The following TASOR variants were observed in gnomAD, a reference collection of about 807,000 sequenced individuals.
TASOR encodes the protein transcription activation suppressor.
A neutral mutation model predicts 178.6 loss-of-function variants in TASOR; 53 were observed. That is an observed-to-expected ratio of 0.30 (90% CI 0.24 to 0.37). The LOEUF (loss-of-function observed/expected upper bound fraction) is 0.37. Among genes scored for constraint, TASOR ranks in the 10% least tolerant of loss-of-function variants. The probability of loss-of-function intolerance (pLI) is 1.00; values close to 1 mark genes in which losing one functional copy is unlikely to be tolerated. For synonymous variants in TASOR, 713 were observed against 696.2 expected, an observed-to-expected ratio of 1.02 and a Z score of -0.38; for missense variants, 1,815 against 1,971.4, an observed-to-expected ratio of 0.92 and a Z score of 1.50.
At chr3:56,680,234 TCTC>T (rs1467750932) in intron 1 of TASOR, among the ~76,000 whole-genome samples, 3 of 152,188 alleles carry the variant, frequency 2.0e-5, no homozygotes, top group Admixed American at 1.3e-4. Flanking sequence ...AGTACTTTAG[TCTC>T]CTCATCTGTA....
In TASOR at chr3:56,621,669, A is replaced by G; in HGVS notation, c.*1368T>C. ...TTGATTTGTGTCTTCCAAATTATAA[A>G]ATGTGCTCACTGGCTCAACTGTATT... On this transcript the variant is annotated 3_prime_UTR_variant, in exon 24 of 24. Coordinates refer to ENST00000683822, the MANE Select transcript of TASOR (RefSeq NM_001365635.2). The G allele has an allele frequency of 2.3e-6, 3 of 1,299,578 alleles. No homozygotes were observed. The highest frequency in any genetic ancestry group is 3.3e-6 in the Non-Finnish European group (3 of 918,352). The allele number at this position is 1,299,578 out of a possible 1,614,324, so 80.5% of individuals were successfully genotyped here.
chr3:56,680,879 G>A (rs1412666065), intron 1 of TASOR, among the ~76,000 whole-genome samples: 1 of 151,948 alleles, frequency 6.6e-6, no homozygotes, highest in East Asian at 1.9e-4. Context: ...GACTATGGGG[G>A]ACAACAGCTA....
rs765952122 is a variant in TASOR at position 56,623,403 on chromosome 3, C to G, written c.4647G>C (p.Leu1549Phe). 2.0e-5 allele frequency: 32 copies of G among 1,613,574 alleles called. 1 individual carries two copies. The South Asian group carries it at 3.1e-4, about 16-fold the overall frequency. ...TDQKKNTQIE[L>F]QSSPDVQNSL... The stretch of plus-strand genomic sequence containing the variant: ...TGTTTTGCACATCAGGAGACGATTG[C>G]AACTCAATTTGAGTATTCTTTTTTT... The change falls in exon 24 of 24, where the codon TTG becomes TTC. Residue 1549 changes from leucine to phenylalanine, a missense_variant. Leu to Phe is a conservative substitution (Grantham distance 22, BLOSUM62 0). Transcript: ENST00000683822.
rs188264115 is a variant in TASOR at position 56,640,569 on chromosome 3, C to T, written c.2620-439G>A. Among the ~76,000 whole-genome samples, 21 of 152,182 alleles carry T rather than the reference C, an allele frequency of 1.4e-4. No homozygotes were observed. The East Asian group carries it at 3.5e-3, about 25-fold the overall frequency. On this transcript the variant is annotated intron_variant, in intron 15 of 23. Transcript: ENST00000683822. ...TTAATACAGGTTAGTTCCTCAGTGC[C>T]TACCTTACATACCCCAATAACCCTC...
At position 56,627,600 on chromosome 3, in the gene TASOR, G is replaced by A. The variant is rs756833582; in HGVS notation, c.4012C>T (p.Pro1338Ser). The change falls in exon 20 of 24, where the codon CCA (proline) becomes TCA (serine). Residue 1338 changes from proline to serine, a missense_variant. Around this residue, in one of 5 missense-constraint regions of TASOR, gnomAD observed 134 missense variants for 195.2 expected, o/e 0.69. Transcript: ENST00000683822. ...ATCTTACCAACTGTGACAACCTCTG[G>A]GTTTAGAATTGATTCATCAGATACG... Reference protein sequence around the residue: ...FIVSDESILNPEVVTVENLKN... With the variant: ...FIVSDESILNSEVVTVENLKN... The A allele has an allele frequency of 6.2e-7, 1 of 1,613,982 alleles. No individual in the cohort carries two copies. Among genetic ancestry groups the A allele is most frequent in the Non-Finnish European group, 8.5e-7 (1 of 1,179,950 alleles).
Position 56,677,768 on chromosome 3 carries a change from T to C in TASOR, c.332-4043A>G, listed in dbSNP as rs374094846. Among the ~76,000 whole-genome samples, 18 of 152,328 alleles carry C rather than the reference T, an allele frequency of 1.2e-4. No homozygotes were observed. In the East Asian group the frequency reaches 3.3e-3, roughly 28 times the overall value. On this transcript the variant is annotated intron_variant, in intron 1 of 23. Coordinates refer to ENST00000683822, the MANE Select transcript of TASOR (RefSeq NM_001365635.2). ...TCTAATACTGCTCTTTCTACCTTCC[T>C]ATCTTCTCTCAAATTTCTTAATTTT...
At chr3:56,681,618 G>A (rs1268389204) in intron 1 of TASOR, among the ~76,000 whole-genome samples, 1 of 152,134 alleles carries the variant, frequency 6.6e-6, no homozygotes, top group South Asian at 2.1e-4. Context: ...GGATGGAAAA[G>A]ATACGGGAAA....
chr3:56,666,175 A>C, intron 7 of TASOR, 85 bp downstream of exon 7: 1 of 1,198,656 alleles, frequency 8.3e-7, no homozygotes. Context: ...ATGGGAAGGA[A>C]ACAAAATGGT....
At chr3:56,624,747 C>G in intron 22 of TASOR, 81 bp downstream of exon 22, 1 of 1,547,402 alleles carries the variant, frequency 6.5e-7, no homozygotes, top group Non-Finnish European at 8.8e-7. Context: ...CAAAGCTTAG[C>G]AATACCCACC....
chr3:56,635,831 G>C (rs2077004795), intron 17 of TASOR, among the ~76,000 whole-genome samples: 1 of 151,928 alleles, frequency 6.6e-6, no homozygotes, highest in African/African-American at 2.4e-5. Context: ...ACAACAACCA[G>C]TAAGTTTACT....
At chr3:56,624,454 A>G in intron 23 of TASOR, 25 bp downstream of exon 23, 1 of 1,602,682 alleles carries the variant, frequency 6.2e-7, no homozygotes, top group South Asian at 1.1e-5. Flanking sequence ...TGCGTTAAAG[A>G]AAATGAAAAC....
chr3:56,663,513 TA>T, intron 8 of TASOR, 27 bp downstream of exon 8: 1 of 1,053,998 alleles, frequency 9.5e-7, no homozygotes, highest in Non-Finnish European at 1.3e-6. Context: ...TTTCCATTTA[TA>T]AAACTAAAGA....
intron 11 of TASOR, among the ~76,000 whole-genome samples, chr3:56,659,604 G>A (rs1403126338): frequency 6.6e-6 from 1 of 152,054 alleles, no homozygotes; most frequent in Admixed American, 6.6e-5. Flanking sequence ...TAATGTAATA[G>A]TTTCTACCTC....
At chr3:56,681,223 T>C (rs1026747888) in intron 1 of TASOR, among the ~76,000 whole-genome samples, 1 of 152,156 alleles carries the variant, frequency 6.6e-6, no homozygotes, top group Non-Finnish European at 1.5e-5. Context: ...CAGAGCCCAT[T>C]TGAATGTACT....
intron 11 of TASOR, among the ~76,000 whole-genome samples, chr3:56,650,208 T>C (rs2077321171): frequency 6.6e-6 from 1 of 152,188 alleles, no homozygotes; most frequent in Admixed American, 6.5e-5. Context: ...ACTACCTAAA[T>C]TCCTACTAAA....
chr3:56,649,184 G>A lies in TASOR; in HGVS notation c.1369-127C>T, dbSNP rs532540207. 1,023 of 545,660 alleles carry A rather than the reference G, an allele frequency of 1.9e-3. 1 individual carries two copies. Among genetic ancestry groups the A allele is most frequent in the Middle Eastern group, 8.3e-3 (22 of 2,658 alleles). 33.8% of individuals were successfully genotyped at this position (545,660 alleles called of 1,614,324 possible). ...TAATCATCTTTTAAGAAAAAATATT[G>A]CTAATGAATTAGTTAATTCTTTCTA... On this transcript the variant is annotated intron_variant, in intron 11 of 23. Transcript: ENST00000683822.
At chr3:56,646,303 G>A (rs1405836413) in intron 14 of TASOR, among the ~76,000 whole-genome samples, 1 of 152,158 alleles carries the variant, frequency 6.6e-6, no homozygotes, top group Non-Finnish European at 1.5e-5. Context: ...TAGGCTTTGT[G>A]GGCCATACAG....
At position 56,633,404 on chromosome 3, in the gene TASOR, G is replaced by A; in HGVS notation, c.3387C>T (p.Asn1129=). The part of the protein sequence containing the change: ...HVIPVSSSDF[N]NKHLLEPLCS... ...ACAGTGGCTCAAGGAGATGTTTATT[G>A]TTGAAGTCACTTGAGGAAACTGGTA... Residue 1129 remains asparagine (N), a synonymous_variant, in exon 18 of 24, where the codon AAC becomes AAT. Coordinates refer to ENST00000683822, the MANE Select transcript of TASOR (RefSeq NM_001365635.2). The A allele has an allele frequency of 6.2e-7, 1 of 1,614,160 alleles. No homozygotes were observed. Among genetic ancestry groups the A allele is most frequent in the Non-Finnish European group, 8.5e-7 (1 of 1,180,026 alleles).
intron 11 of TASOR, among the ~76,000 whole-genome samples, chr3:56,658,254 A>G (rs1447297325): frequency 2.0e-5 from 3 of 152,206 alleles, no homozygotes; most frequent in Non-Finnish European, 4.4e-5. Flanking sequence ...CTAGGATTTT[A>G]CTTTACTTCT....
Sources: gnomAD v4.1 joint callset for allele counts (sites outside exome capture counted in the v4.1 genomes callset) on GRCh38, gnomAD v4.1.1 for gene constraint, gnomAD v4.1.1 regional missense constraint, MANE v1.5 for transcripts, NCBI Gene and HGNC (gene_info 2026-07-23, HGNC 2026-07-21) for gene names.